NIPBL: variants seen among roughly 807,000 people sequenced by gnomAD.
NIPBL encodes the protein nipped-B-like protein.
NIPBL carries 19 observed loss-of-function variants against 321.8 expected under a neutral mutation model. The ratio of observed to expected loss-of-function variants is 0.06; its 90% CI spans 0.04 to 0.09. The LOEUF is 0.09. NIPBL is among the 10% of genes least tolerant of loss of function. The probability of loss-of-function intolerance (pLI) is 1.00; values close to 1 mark genes in which losing one functional copy is unlikely to be tolerated. For synonymous variants in NIPBL, 1,106 were observed against 1,114.1 expected (o/e 0.99, Z 0.14); for missense variants, 2,210 against 3,327.0 (o/e 0.66, Z 8.26).
intron 24 of NIPBL, among the ~76,000 whole-genome samples, chr5:37,018,251 CACTT>C (rs1248562680): frequency 6.6e-6 from 1 of 152,142 alleles, no homozygotes; most frequent in East Asian, 1.9e-4. Context: ...CAAGAGCTCT[CACTT>C]AAATATCTAT....
intron 1 of NIPBL, among the ~76,000 whole-genome samples, chr5:36,944,063 G>A (rs1739398162): frequency 6.6e-6 from 1 of 152,064 alleles, no homozygotes; most frequent in African/African-American, 2.4e-5. Context: ...TGCTGTGAAA[G>A]GGAACAGAAA....
At chr5:36,898,486 A>ATT (rs1169308594) in intron 1 of NIPBL, among the ~76,000 whole-genome samples, 1 of 151,910 alleles carries the variant, frequency 6.6e-6, no homozygotes, top group African/African-American at 2.4e-5. Flanking sequence ...AGGAAGAAGA[A>ATT]ATCAAACCTA....
In NIPBL at chr5:36,956,450, G is replaced by T; in HGVS notation, c.230+813G>T. Reference sequence around the variant, plus strand: ...ATGGAGAGATATCTACATTAGATGCGGTACATATTTTTGGGGCATTTTTAA... The same window carrying T: ...ATGGAGAGATATCTACATTAGATGCTGTACATATTTTTGGGGCATTTTTAA... On this transcript the variant is annotated intron_variant, in intron 3 of 46. Transcript: ENST00000282516. 2.0e-5 allele frequency among the ~76,000 whole-genome samples: 3 copies of T among 151,622 alleles called. 1 individual carries two copies. The highest frequency in any genetic ancestry group is 4.4e-5 in the Non-Finnish European group (3 of 67,908).
At chr5:36,882,884 T>TA (rs1561343324) in intron 1 of NIPBL, among the ~76,000 whole-genome samples, 12 of 151,470 alleles carry the variant, frequency 7.9e-5, no homozygotes, top group South Asian at 6.2e-4. Flanking sequence ...GTCTTTTTTT[T>TA]TAAAAAAAAA....
chr5:36,963,982 T>C (rs910050267), intron 6 of NIPBL, among the ~76,000 whole-genome samples: 9 of 152,258 alleles, frequency 5.9e-5, no homozygotes, highest in African/African-American at 2.2e-4. Context: ...TGAATGTGTG[T>C]AAAACAGAAT....
rs1213936763 is a variant in NIPBL, at chr5:36,975,688, C to G, written c.869-88C>G. ...AATTTCTTATTTTTTTCTAGTATTACTATATTGTCACTTATTAATATTTCT... is the reference window on the plus strand; with the variant it reads ...AATTTCTTATTTTTTTCTAGTATTAGTATATTGTCACTTATTAATATTTCT... On this transcript the variant is annotated intron_variant, in intron 8 of 46. Coordinates refer to ENST00000282516, the MANE Select transcript of NIPBL (RefSeq NM_133433.4). The G allele has an allele frequency of 2.8e-5, 35 of 1,228,758 alleles. 1 individual carries two copies. In the South Asian group the frequency reaches 4.4e-4, roughly 15 times the overall value. The allele number at this position is 1,228,758 out of a possible 1,614,324, so 76.1% of individuals were successfully genotyped here.
chr5:36,938,895 G>T (rs1738757880), intron 1 of NIPBL, among the ~76,000 whole-genome samples: 2 of 152,120 alleles, frequency 1.3e-5, no homozygotes, highest in Admixed American at 1.3e-4. Flanking sequence ...GTGTGTGTGT[G>T]TACAGTTGTG....
chr5:36,919,064 C>G (rs1203548907), intron 1 of NIPBL, among the ~76,000 whole-genome samples: 4 of 152,066 alleles, frequency 2.6e-5, no homozygotes, highest in African/African-American at 9.7e-5. Context: ...AGGAGTCCCT[C>G]TTTTTCTCTT....
chr5:37,011,451 A>G (rs1357522940), intron 21 of NIPBL, among the ~76,000 whole-genome samples: 2 of 152,166 alleles, frequency 1.3e-5, no homozygotes, highest in Admixed American at 1.3e-4. Flanking sequence ...GCTACTCAGG[A>G]GGCTGAAACA....
intron 1 of NIPBL, among the ~76,000 whole-genome samples, chr5:36,951,924 A>G (rs1201739998): frequency 2.6e-5 from 4 of 152,010 alleles, no homozygotes; most frequent in African/African-American, 9.7e-5. Context: ...AATGATTACC[A>G]CAAAGACAAG....
intron 16 of NIPBL, among the ~76,000 whole-genome samples, chr5:37,003,890 T>G (rs957650399): frequency 6.6e-6 from 1 of 152,204 alleles, no homozygotes; most frequent in Non-Finnish European, 1.5e-5. Context: ...GGGCAGTTCT[T>G]TAGTTTATGC....
At chr5:37,015,400 A>G (rs891649209) in intron 22 of NIPBL, among the ~76,000 whole-genome samples, 13 of 152,080 alleles carry the variant, frequency 8.5e-5, no homozygotes, top group South Asian at 4.2e-4. Flanking sequence ...CTGGGATTAC[A>G]GGCGTGAGCC....
At chr5:37,036,047 G>A (rs1041771471) in intron 32 of NIPBL, among the ~76,000 whole-genome samples, 1 of 151,870 alleles carries the variant, frequency 6.6e-6, no homozygotes, top group Non-Finnish European at 1.5e-5. Context: ...CTGTGTTTTT[G>A]ATTGGAATAG....
chr5:36,932,788 T>G (rs574078502), intron 1 of NIPBL, among the ~76,000 whole-genome samples: 23 of 148,834 alleles, frequency 1.5e-4, no homozygotes, highest in Admixed American at 1.2e-3. Context: ...GTTTTTTTTT[T>G]TTTTTTTTTT....
At chr5:37,061,992 C>T (rs1253846793) in intron 45 of NIPBL, among the ~76,000 whole-genome samples, 3 of 152,186 alleles carry the variant, frequency 2.0e-5, no homozygotes, top group African/African-American at 7.2e-5. Flanking sequence ...CAGGCGCCAG[C>T]CACCACGCCC....
At chr5:36,945,261 T>G (rs1739538274) in intron 1 of NIPBL, among the ~76,000 whole-genome samples, 1 of 152,154 alleles carries the variant, frequency 6.6e-6, no homozygotes, top group Non-Finnish European at 1.5e-5. Context: ...ACAATTAAAC[T>G]TTGCATAACT....
chr5:37,041,252 GTTTTT>G (rs1163179336), intron 34 of NIPBL, among the ~76,000 whole-genome samples: 3 of 63,998 alleles, frequency 4.7e-5, no homozygotes, highest in Admixed American at 1.9e-4. Context: ...TTATGTGGTG[GTTTTT>G]TTTTTTTTTT....
Position 37,063,899 on chromosome 5 carries a change from G to A in NIPBL, c.7970G>A (p.Gly2657Asp), listed in dbSNP as rs1262896571. The A allele has an allele frequency of 1.2e-6, 2 of 1,613,888 alleles. No homozygotes were observed. Among genetic ancestry groups the A allele is most frequent in the Non-Finnish European group, 1.7e-6 (2 of 1,180,018 alleles). The change falls in exon 46 of 47, where the codon GGC (glycine) becomes GAC (aspartate). Residue 2657 changes from glycine to aspartate, a missense_variant. Physicochemically the swap from Gly to Asp is moderately conservative, Grantham distance 94. Around this residue, in one of 14 missense-constraint regions of NIPBL, gnomAD observed 159 missense variants for 319.2 expected, o/e 0.50. Coordinates refer to ENST00000282516, the MANE Select transcript of NIPBL (RefSeq NM_133433.4). ...GCAATTACCTCACTGCTTGGAGGAG[G>A]CAGCCCTAAAAATAATACAGCAGCA... ...NKAITSLLGG[G>D]SPKNNTAAET...
chr5:37,037,652 A>T (rs1208862574), intron 33 of NIPBL, among the ~76,000 whole-genome samples: 14 of 129,524 alleles, frequency 1.1e-4, no homozygotes, highest in South Asian at 7.5e-4. Flanking sequence ...TTCCATGTGT[A>T]CCTCTTTTTT....
Sources: gnomAD v4.1 joint callset for allele counts (sites outside exome capture counted in the v4.1 genomes callset) on GRCh38, gnomAD v4.1.1 for gene constraint, gnomAD v4.1.1 regional missense constraint, MANE v1.5 for transcripts, NCBI Gene and HGNC (gene_info 2026-07-23, HGNC 2026-07-21) for gene names.